DAPL1: variants seen among roughly 807,000 people sequenced by gnomAD.
DAPL1 encodes the protein death-associated protein-like 1.
Under a neutral mutation model 12.9 loss-of-function variants are expected in DAPL1, and 17 were observed. That is an observed-to-expected ratio of 1.32 (90% CI 0.90 to 1.98). DAPL1 has a LOEUF of 1.98. DAPL1 is among the 30% of genes most tolerant of loss of function. DAPL1 has a pLI of 0.00. For synonymous variants in DAPL1, 51 were observed against 42.0 expected (o/e 1.21, Z -0.82); for missense variants, 157 against 125.7 (o/e 1.25, Z -1.19).
chr2:158,796,633 C>G (rs756245881), intron 1 of DAPL1, among the ~76,000 whole-genome samples: 2 of 152,186 alleles, frequency 1.3e-5, no homozygotes, highest in East Asian at 3.8e-4. Context: ...GAAAAAAGAA[C>G]TCCATTCTCA....
At position 158,801,583 on chromosome 2, in the gene DAPL1, C is replaced by CAT. The variant is rs777197530; in HGVS notation, c.59-2687_59-2686dup. Among the ~76,000 whole-genome samples the CAT allele has an allele frequency of 1.2e-3, 185 of 151,566 alleles. 2 individuals are homozygous for CAT. The East Asian group carries it at 0.013, about 11-fold the overall frequency. ...ATAATTTATGTATATAAAGAATGTG[C>CAT]ATATATATATATAATTTAAAGCAGA... On this transcript the variant is annotated intron_variant, in intron 1 of 3. Transcript: ENST00000309950.
intron 1 of DAPL1, among the ~76,000 whole-genome samples, chr2:158,800,062 CAAAAAAAA>C (rs1553492201): frequency 2.2e-5 from 1 of 44,532 alleles, no homozygotes; most frequent in Non-Finnish European, 4.6e-5. Context: ...GACTCCATCT[CAAAAAAAA>C]AAAAAAAAAA....
intron 1 of DAPL1, among the ~76,000 whole-genome samples, chr2:158,796,919 T>C (rs867124892): frequency 6.6e-6 from 1 of 152,198 alleles, no homozygotes; most frequent in Non-Finnish European, 1.5e-5. Context: ...ATAATTAGAA[T>C]GGAGATGAAG....
At chr2:158,800,399 G>A (rs894862358) in intron 1 of DAPL1, among the ~76,000 whole-genome samples, 13 of 152,176 alleles carry the variant, frequency 8.5e-5, no homozygotes, top group Admixed American at 3.9e-4. Context: ...TTTGGTCTTC[G>A]TTCTCACCTC....
chr2:158,815,974 C>T lies in DAPL1; in HGVS notation c.*153C>T. The T allele has an allele frequency of 1.6e-6, 1 of 618,724 alleles. No individual in the cohort carries two copies. 38.3% of individuals were successfully genotyped at this position (618,724 alleles called of 1,614,324 possible). On this transcript the variant is annotated 3_prime_UTR_variant, in exon 4 of 4. Transcript: ENST00000309950. ...CTTTGACTTTAGGTAATAAAGCATC[C>T]AAACTTGTAAATCTGACACATCCCT...
intron 1 of DAPL1, among the ~76,000 whole-genome samples, chr2:158,803,365 A>G (rs925049965): frequency 6.6e-6 from 1 of 152,262 alleles, no homozygotes; most frequent in African/African-American, 2.4e-5. Context: ...GAAAAATAGA[A>G]TACATTTTCT....
intron 1 of DAPL1, among the ~76,000 whole-genome samples, chr2:158,800,103 A>G (rs1438762233): frequency 6.6e-6 from 1 of 151,712 alleles, no homozygotes; most frequent in African/African-American, 2.4e-5. Context: ...TTTCTTTGTT[A>G]AATGCCTTAT....
rs576718079 is a variant in DAPL1 at position 158,797,456 on chromosome 2, C to G, written c.58+2026C>G. ...CTGCAGTAGTTGGAACAGAAAGAAA[C>G]TGCAATGGAAAAAATATGTGCCTAT... On this transcript the variant is annotated intron_variant, in intron 1 of 3. Transcript: ENST00000309950. Among the ~76,000 whole-genome samples the G allele has an allele frequency of 2.0e-5, 3 of 152,234 alleles. No homozygotes were observed. In the South Asian group the frequency reaches 6.2e-4, roughly 32 times the overall value.
intron 2 of DAPL1, among the ~76,000 whole-genome samples, chr2:158,806,462 A>G (rs2059201643): frequency 6.6e-6 from 1 of 152,142 alleles, no homozygotes; most frequent in South Asian, 2.1e-4. Context: ...TGGTTTGACT[A>G]GTGGTTTCAA....
chr2:158,802,957 A>G (rs1400999868), intron 1 of DAPL1, among the ~76,000 whole-genome samples: 1 of 152,240 alleles, frequency 6.6e-6, no homozygotes, highest in Non-Finnish European at 1.5e-5. Flanking sequence ...ATGTTCATAC[A>G]ATAAAATGTT....
intron 3 of DAPL1, among the ~76,000 whole-genome samples, chr2:158,807,460 G>A (rs1458573778): frequency 6.6e-6 from 1 of 152,144 alleles, no homozygotes; most frequent in African/African-American, 2.4e-5. Context: ...GGCTTCAGTG[G>A]TTTTTGACCT....
intron 1 of DAPL1, among the ~76,000 whole-genome samples, chr2:158,796,203 T>C (rs561211703): frequency 6.6e-6 from 1 of 152,346 alleles, no homozygotes; most frequent in African/African-American, 2.4e-5. Flanking sequence ...TTCCTTCTTT[T>C]TTACTGAAGA....
At chr2:158,802,554 CA>C (rs1472180487) in intron 1 of DAPL1, among the ~76,000 whole-genome samples, 3 of 152,198 alleles carry the variant, frequency 2.0e-5, no homozygotes, top group African/African-American at 7.2e-5. Flanking sequence ...TGTACTCACA[CA>C]CCAAATCGTC....
chr2:158,804,435 T>C, intron 2 of DAPL1, 66 bp downstream of exon 2: 6 of 1,219,602 alleles, frequency 4.9e-6, no homozygotes, highest in South Asian at 1.4e-5. Context: ...CCAGGAGTTA[T>C]TTTAGGACAA....
Position 158,809,357 on chromosome 2 carries a change from C to CAAAA in DAPL1, c.207+2250_207+2253dup, listed in dbSNP as rs10526986. ...TGGGTGACAGAGCGAGACTCCATCT[C>CAAAA]AAAAAAAAAAAGAAATATTTTTAAC... On this transcript the variant is annotated intron_variant, in intron 3 of 3. Transcript: ENST00000309950. 1.3e-4 allele frequency among the ~76,000 whole-genome samples: 9 copies of CAAAA among 69,528 alleles called. 2 individuals carry two copies. The highest frequency in any genetic ancestry group is 1.6e-4 in the African/African-American group (3 of 18,392). The allele number at this position is 69,528 out of a possible 152,430, so 45.6% of individuals were successfully genotyped here. A position where few individuals can be genotyped will look rare whatever the true frequency, so the allele number is the denominator to read the frequency against.
rs1017071917 is a variant in DAPL1, at chr2:158,805,484, C to T, written c.146+1115C>T. 4.7e-5 allele frequency among the ~76,000 whole-genome samples: 7 copies of T among 149,788 alleles called. 1 individual carries two copies. The highest frequency in any genetic ancestry group is 2.0e-4 in the Admixed American group (3 of 15,078). ...GCATTCTGTAAATGATATCAGACTG[C>T]GATTGAATTGCAAGCTGATTAACTT... On this transcript the variant is annotated intron_variant, in intron 2 of 3. Transcript: ENST00000309950.
At chr2:158,811,486 G>A (rs1020908514) in intron 3 of DAPL1, among the ~76,000 whole-genome samples, 6 of 152,254 alleles carry the variant, frequency 3.9e-5, no homozygotes, top group Admixed American at 6.5e-5. Flanking sequence ...ATTTTCTTGC[G>A]TCTAGAATTT....
intron 1 of DAPL1, among the ~76,000 whole-genome samples, chr2:158,800,861 A>G (rs914812897): frequency 6.6e-6 from 1 of 151,964 alleles, no homozygotes; most frequent in African/African-American, 2.4e-5. Context: ...TTTTTTTTAG[A>G]CAGAATCTCA....
intron 2 of DAPL1, among the ~76,000 whole-genome samples, chr2:158,806,606 G>A (rs1340436348): frequency 2.0e-5 from 3 of 151,846 alleles, no homozygotes; most frequent in African/African-American, 4.8e-5. Context: ...AGGCTGAGGC[G>A]AGTGGATCAC....
Sources: gnomAD v4.1 joint callset for allele counts (sites outside exome capture counted in the v4.1 genomes callset) on GRCh38, gnomAD v4.1.1 for gene constraint, MANE v1.5 for transcripts, NCBI Gene and HGNC (gene_info 2026-07-23, HGNC 2026-07-21) for gene names.